The following TYW1B variants were observed in gnomAD, a reference collection of about 807,000 sequenced individuals.
The protein encoded by TYW1B is S-adenosyl-L-methionine-dependent tRNA 4-demethylwyosine synthase TYW1B.
In TYW1B, 73 loss-of-function variants were observed where a neutral mutation model predicts 86.9. The ratio of observed to expected loss-of-function variants is 0.84; its 90% CI spans 0.70 to 1.02. The LOEUF (loss-of-function observed/expected upper bound fraction) is 1.02, where lower values mean the gene tolerates loss of function less well. TYW1B is among the 50% of genes least tolerant of loss of function. The probability of loss-of-function intolerance (pLI) is 0.00; values close to 1 mark genes in which losing one functional copy is unlikely to be tolerated. For synonymous variants in TYW1B, 248 were observed against 292.8 expected, an observed-to-expected ratio of 0.85 and a Z score of 1.56; for missense variants, 637 against 827.4, an observed-to-expected ratio of 0.77 and a Z score of 2.82.
chr7:72,749,783 G>A (rs1787465509), intron 7 of TYW1B, among the ~76,000 whole-genome samples: 1 of 141,572 alleles, frequency 7.1e-6, no homozygotes, highest in Non-Finnish European at 1.5e-5. Context: ...CTAGATTGCT[G>A]ATTTGAGACC....
At chr7:72,729,716 C>A (rs1787069712) in intron 8 of TYW1B, among the ~76,000 whole-genome samples, 1 of 152,044 alleles carries the variant, frequency 6.6e-6, no homozygotes, top group Admixed American at 6.6e-5. Flanking sequence ...AACCATCTCA[C>A]CCTCCCGACA....
intron 11 of TYW1B, among the ~76,000 whole-genome samples, chr7:72,667,584 C>T (rs1471575947): frequency 6.6e-6 from 1 of 152,048 alleles, no homozygotes; most frequent in Non-Finnish European, 1.5e-5. Context: ...TGTGGTGACA[C>T]AGGCCTGTAG....
intron 8 of TYW1B, among the ~76,000 whole-genome samples, chr7:72,740,493 T>A (rs1325214768): frequency 1.3e-5 from 2 of 150,794 alleles, no homozygotes; most frequent in Non-Finnish European, 1.5e-5. Flanking sequence ...TTTCTCCAAT[T>A]TTTTTCCTTT....
chr7:72,663,789 C>T (rs1377607557), intron 11 of TYW1B, among the ~76,000 whole-genome samples: 11 of 134,560 alleles, frequency 8.2e-5, no homozygotes, highest in Non-Finnish European at 1.8e-4. Context: ...AAAAAAATCA[C>T]TTTCAAGTAA....
intron 6 of TYW1B, among the ~76,000 whole-genome samples, chr7:72,788,395 T>G (rs1438077676): frequency 2.6e-5 from 4 of 152,234 alleles, no homozygotes; most frequent in African/African-American, 9.6e-5. Context: ...GCTGAAATGC[T>G]TAGGGGATCA....
chr7:72,610,261 T>A (rs1811901591), intron 13 of TYW1B, among the ~76,000 whole-genome samples: 1 of 152,168 alleles, frequency 6.6e-6, no homozygotes, highest in Non-Finnish European at 1.5e-5. Context: ...TGACCATCTG[T>A]CTCACTCTGG....
chr7:72,654,349 A>C (rs537379449), intron 11 of TYW1B, among the ~76,000 whole-genome samples: 2 of 152,196 alleles, frequency 1.3e-5, no homozygotes, highest in Non-Finnish European at 2.9e-5. Context: ...TCATAAGAAA[A>C]GTATCAGAAA....
At chr7:72,815,192 C>A (rs540528489) in intron 3 of TYW1B, among the ~76,000 whole-genome samples, 188 bp downstream of exon 3, 33 of 152,104 alleles carry the variant, frequency 2.2e-4, no homozygotes, top group Admixed American at 2.0e-3. Context: ...CCCCACACCA[C>A]GTGAGAATCA....
chr7:72,674,094 G>A (rs1365996587), intron 11 of TYW1B, among the ~76,000 whole-genome samples: 19 of 152,198 alleles, frequency 1.2e-4, no homozygotes, highest in African/African-American at 4.6e-4. Context: ...CTTCATAGGG[G>A]ATGGTACAAC....
At chr7:72,717,275 T>C (rs1554456332) in intron 9 of TYW1B, among the ~76,000 whole-genome samples, 1 of 148,654 alleles carries the variant, frequency 6.7e-6, no homozygotes, top group Admixed American at 6.8e-5. Flanking sequence ...CCCTCTAGCC[T>C]GGGCAACAGG....
At chr7:72,645,462 T>C (rs73372850) in intron 11 of TYW1B, among the ~76,000 whole-genome samples, 27 of 150,906 alleles carry the variant, frequency 1.8e-4, no homozygotes, top group East Asian at 3.9e-4. Flanking sequence ...AGTTAGTCCA[T>C]GTGTATATCA....
At chr7:72,757,356 A>C (rs1554466375) in intron 7 of TYW1B, among the ~76,000 whole-genome samples, 1 of 143,780 alleles carries the variant, frequency 7.0e-6, no homozygotes, top group Non-Finnish European at 1.5e-5. Flanking sequence ...TGACAGAGCG[A>C]GACTCCGTCT....
intron 7 of TYW1B, among the ~76,000 whole-genome samples, chr7:72,752,126 C>T (rs72608588): frequency 0.78 from 119,259 of 152,088 alleles, 46,956 homozygotes; most frequent in Non-Finnish European, 0.8. Flanking sequence ...GGTGGTGGGG[C>T]CCCTCTTGCT....
intron 11 of TYW1B, among the ~76,000 whole-genome samples, chr7:72,658,958 T>C (rs1185072722): frequency 6.6e-6 from 1 of 152,126 alleles, no homozygotes; most frequent in Non-Finnish European, 1.5e-5. Context: ...TGACCTCAAG[T>C]GATCTGCCCA....
chr7:72,681,977 A>G (rs1245293876), intron 11 of TYW1B, among the ~76,000 whole-genome samples: 1 of 151,922 alleles, frequency 6.6e-6, no homozygotes, highest in Non-Finnish European at 1.5e-5. Context: ...TCCCGGGTTC[A>G]GGTGATTCTC....
intron 6 of TYW1B, among the ~76,000 whole-genome samples, chr7:72,786,031 C>G (rs1488572827): frequency 4.6e-5 from 7 of 151,904 alleles, no homozygotes; most frequent in African/African-American, 1.5e-4. Context: ...ATTGCATGAA[C>G]CCGGGAGGCG....
At chr7:72,698,126 G>C (rs1554451815) in intron 10 of TYW1B, 1 of 152,646 alleles carries the variant, frequency 6.6e-6, no homozygotes, top group Admixed American at 6.6e-5. Flanking sequence ...GGGGCTGTCA[G>C]AACAAGCCAA....
intron 6 of TYW1B, among the ~76,000 whole-genome samples, chr7:72,784,094 T>C (rs1788090266): frequency 6.6e-6 from 1 of 152,142 alleles, no homozygotes; most frequent in African/African-American, 2.4e-5. Flanking sequence ...CTTTGTCTGC[T>C]TAGCCAGAAC....
At chr7:72,612,686 C>T (rs1444190446) in intron 13 of TYW1B, among the ~76,000 whole-genome samples, 5 of 152,038 alleles carry the variant, frequency 3.3e-5, no homozygotes, top group Non-Finnish European at 5.9e-5. Context: ...CATCTGAGGA[C>T]GTACAACCTC....
Sources: gnomAD v4.1 joint callset for allele counts (sites outside exome capture counted in the v4.1 genomes callset) on GRCh38, gnomAD v4.1.1 for gene constraint, MANE v1.5 for transcripts, NCBI Gene and HGNC (gene_info 2026-07-23, HGNC 2026-07-21) for gene names.